Variants in NRG3 observed in about 807,000 individuals in gnomAD.
NRG3 encodes neuregulin 3.
In NRG3, 31 loss-of-function variants were observed where a neutral mutation model predicts 66.9. The ratio of observed to expected loss-of-function variants is 0.46; its 90% CI spans 0.35 to 0.63. The LOEUF is 0.63. Ranked by LOEUF, NRG3 falls within the 20% of genes least tolerant of loss-of-function variation. The pLI is 0.00. For missense variants in NRG3, 910 were observed against 878.9 expected (o/e 1.04, Z -0.45); for synonymous variants, 393 against 359.4 (o/e 1.09, Z -1.06).
chr10:82,703,833 C>G (rs1006141218), intron 2 of NRG3, among the ~76,000 whole-genome samples: 1 of 152,122 alleles, frequency 6.6e-6, no homozygotes, highest in East Asian at 1.9e-4. Context: ...AGGATCTGAA[C>G]ATCAGATTTC....
At chr10:82,643,677 T>G (rs2050734139) in intron 2 of NRG3, among the ~76,000 whole-genome samples, 1 of 152,180 alleles carries the variant, frequency 6.6e-6, no homozygotes, top group Non-Finnish European at 1.5e-5. Flanking sequence ...TCTGTTTTTC[T>G]TACACTGATT....
intron 1 of NRG3, among the ~76,000 whole-genome samples, chr10:81,981,780 A>G (rs2060341664): frequency 6.6e-6 from 1 of 152,202 alleles, no homozygotes; most frequent in South Asian, 2.1e-4. Flanking sequence ...TTAAATGGAT[A>G]TTGAATTCTC....
intron 1 of NRG3, among the ~76,000 whole-genome samples, chr10:82,235,473 A>G (rs1199442404): frequency 2.0e-5 from 3 of 152,202 alleles, no homozygotes; most frequent in Non-Finnish European, 4.4e-5. Flanking sequence ...ACATCTTCCA[A>G]TATCATTTAG....
chr10:82,079,078 T>G lies in NRG3; in HGVS notation c.823+202915T>G, dbSNP rs570156511. Among the ~76,000 whole-genome samples the G allele has an allele frequency of 3.3e-4, 50 of 152,264 alleles. No homozygotes were observed. The South Asian group carries it at 7.5e-3, about 23-fold the overall frequency. ...AGACTTTATTTTTATTTTTTATTTT[T>G]TTTTTTGAGATGGAGTTCCACTCTT... On this transcript the variant is annotated intron_variant, in intron 1 of 8. Transcript: ENST00000372141.
intron 3 of NRG3, among the ~76,000 whole-genome samples, chr10:82,853,431 ATG>A (rs1274652175): frequency 6.6e-6 from 1 of 152,122 alleles, no homozygotes; most frequent in Non-Finnish European, 1.5e-5. Context: ...TGAGCATGGG[ATG>A]TGTTTCCATT....
At chr10:81,934,981 T>C (rs537589370) in intron 1 of NRG3, among the ~76,000 whole-genome samples, 97 of 152,318 alleles carry the variant, frequency 6.4e-4, no homozygotes, top group Middle Eastern at 6.8e-3. Flanking sequence ...CCAAAACACA[T>C]GTTGCAATGA....
At chr10:82,256,091 T>C (rs1018700649) in intron 1 of NRG3, among the ~76,000 whole-genome samples, 2 of 151,588 alleles carry the variant, frequency 1.3e-5, no homozygotes, top group African/African-American at 4.9e-5. Context: ...GCCTGGCTAA[T>C]TTTTGTATTT....
chr10:81,894,841 C>G (rs553442881), intron 1 of NRG3, among the ~76,000 whole-genome samples: 1 of 152,116 alleles, frequency 6.6e-6, no homozygotes, highest in African/African-American at 2.4e-5. Context: ...CTGGGCCTTG[C>G]GACAGCCGCT....
rs574638839 is a variant in NRG3, at chr10:81,955,969, T to C, written c.823+79806T>C. 5.9e-5 allele frequency among the ~76,000 whole-genome samples: 9 copies of C among 152,340 alleles called. No individual in the cohort carries two copies. In the East Asian group the frequency reaches 1.7e-3, roughly 29 times the overall value. On this transcript the variant is annotated intron_variant, in intron 1 of 8. Transcript: ENST00000372141. ...AAATCTGATCATCACCTGGTGTTCC[T>C]CATCTTAATTAATGACTTCATTTGT...
At chr10:82,804,780 CG>C (rs906701306) in intron 3 of NRG3, among the ~76,000 whole-genome samples, 22 of 152,252 alleles carry the variant, frequency 1.4e-4, no homozygotes, top group African/African-American at 5.3e-4. Flanking sequence ...AGAATGCAGA[CG>C]GTCAAAATTG....
chr10:82,261,730 G>A (rs568430803), intron 1 of NRG3, among the ~76,000 whole-genome samples: 129 of 152,296 alleles, frequency 8.5e-4, no homozygotes, highest in African/African-American at 3.1e-3. Flanking sequence ...ATCTGCAGCG[G>A]GAACATGTCC....
At position 82,736,872 on chromosome 10, in the gene NRG3, G is replaced by A. The variant is rs1031302736; in HGVS notation, c.954-1705G>A. 7.2e-5 allele frequency among the ~76,000 whole-genome samples: 11 copies of A among 152,250 alleles called. No homozygotes were observed. The South Asian group carries it at 1.0e-3, about 14-fold the overall frequency. On this transcript the variant is annotated intron_variant, in intron 2 of 8. Coordinates refer to ENST00000372141, the MANE Select transcript of NRG3 (RefSeq NM_001010848.4). ...GTACTTAAAATCTCTCACAAAGATT[G>A]GAAATAAAATCTTCAAAAAGTGAAT...
intron 1 of NRG3, among the ~76,000 whole-genome samples, chr10:81,919,883 G>A (rs2132855719): frequency 6.6e-6 from 1 of 152,230 alleles, no homozygotes; most frequent in South Asian, 2.1e-4. Flanking sequence ...GAAACCTGCC[G>A]TCAATTGTGT....
intron 1 of NRG3, among the ~76,000 whole-genome samples, chr10:82,189,458 C>A (rs1396585466): frequency 3.3e-5 from 5 of 151,872 alleles, no homozygotes; most frequent in Non-Finnish European, 7.4e-5. Flanking sequence ...GGAGTGCAAA[C>A]CAGCCTGGCC....
chr10:81,994,706 A>G (rs908187569), intron 1 of NRG3, among the ~76,000 whole-genome samples: 6 of 151,852 alleles, frequency 4.0e-5, no homozygotes, highest in Admixed American at 6.6e-5. Flanking sequence ...AGAGTGGAGT[A>G]TTTTCATTTT....
intron 1 of NRG3, among the ~76,000 whole-genome samples, chr10:82,013,348 A>T (rs1361574685): frequency 6.6e-6 from 1 of 152,144 alleles, no homozygotes; most frequent in Non-Finnish European, 1.5e-5. Flanking sequence ...CCCTTGACAC[A>T]TGGGGATTAT....
chr10:82,580,343 C>T (rs1336003807), intron 2 of NRG3, among the ~76,000 whole-genome samples: 1 of 151,862 alleles, frequency 6.6e-6, no homozygotes, highest in Admixed American at 6.6e-5. Context: ...ATCACTCCCC[C>T]CCCACAGTTT....
chr10:81,996,726 G>A (rs2060953646), intron 1 of NRG3, among the ~76,000 whole-genome samples: 1 of 152,102 alleles, frequency 6.6e-6, no homozygotes. Context: ...GAGAGAGAAA[G>A]GAGGGAGAGG....
chr10:81,935,914 CACACA>C (rs1052656553), intron 1 of NRG3, among the ~76,000 whole-genome samples: 127 of 149,160 alleles, frequency 8.5e-4, no homozygotes, highest in African/African-American at 3.0e-3. Context: ...CACACACACA[CACACA>C]CACACAGTTT....
Sources: gnomAD v4.1 joint callset for allele counts (sites outside exome capture counted in the v4.1 genomes callset) on GRCh38, gnomAD v4.1.1 for gene constraint, MANE v1.5 for transcripts, NCBI Gene and HGNC (gene_info 2026-07-23, HGNC 2026-07-21) for gene names.